NSUN6: variants seen among roughly 807,000 people sequenced by gnomAD.
NSUN6 encodes tRNA (cytosine(72)-C(5))-methyltransferase NSUN6.
In NSUN6, 64 loss-of-function variants were observed where a neutral mutation model predicts 58.0. That is an observed-to-expected ratio of 1.10 (90% CI 0.90 to 1.36). NSUN6 has a LOEUF of 1.36. Among genes scored for constraint, NSUN6 ranks in the 40% most tolerant of loss-of-function variants. The pLI is 0.00. For synonymous variants in NSUN6, 231 were observed against 193.9 expected (o/e 1.19, Z -1.59); for missense variants, 701 against 550.1 (o/e 1.27, Z -2.74).
At chr10:18,570,924 A>C (rs62648447) in intron 8 of NSUN6, among the ~76,000 whole-genome samples, 2 of 148,748 alleles carry the variant, frequency 1.3e-5, no homozygotes, top group African/African-American at 5.0e-5. Flanking sequence ...TCCATTCTAC[A>C]TTCAATTACA....
At chr10:18,582,856 A>T (rs2056966563) in intron 8 of NSUN6, among the ~76,000 whole-genome samples, 1 of 152,200 alleles carries the variant, frequency 6.6e-6, no homozygotes, top group African/African-American at 2.4e-5. Flanking sequence ...ACAGTTTACT[A>T]AAATAGTGGA....
chr10:18,565,822 C>T (rs933887825), intron 8 of NSUN6, among the ~76,000 whole-genome samples: 1 of 147,892 alleles, frequency 6.8e-6, no homozygotes, highest in East Asian at 2.0e-4. Flanking sequence ...CCATTCCATT[C>T]TCCATTCCAT....
intron 8 of NSUN6, among the ~76,000 whole-genome samples, chr10:18,581,760 A>C (rs571878126): frequency 1.3e-5 from 2 of 151,148 alleles, no homozygotes; most frequent in African/African-American, 4.9e-5. Flanking sequence ...CGGGAGGCGG[A>C]GGCTGAAGTG....
At chr10:18,563,491 A>C (rs1247174914) in intron 8 of NSUN6, among the ~76,000 whole-genome samples, 6 of 151,074 alleles carry the variant, frequency 4.0e-5, no homozygotes, top group African/African-American at 9.7e-5. Flanking sequence ...AGAATGGAAT[A>C]GAATGGAGAG....
rs183274536 is a variant in NSUN6, at chr10:18,618,876, T to G, written c.312-2583A>C. On this transcript the variant is annotated intron_variant, in intron 3 of 10. Coordinates refer to ENST00000377304, the MANE Select transcript of NSUN6 (RefSeq NM_182543.5). ...AGTTTTTAATTTTAATGATAATTTATTTTTAGAAATTTGTTTTCAATTCTA... is the reference window on the plus strand; with the variant it reads ...AGTTTTTAATTTTAATGATAATTTAGTTTTAGAAATTTGTTTTCAATTCTA... 4.6e-5 allele frequency among the ~76,000 whole-genome samples: 7 copies of G among 152,278 alleles called. 1 individual carries two copies. In the East Asian group the frequency reaches 1.2e-3, roughly 25 times the overall value.
intron 7 of NSUN6, among the ~76,000 whole-genome samples, chr10:18,591,557 C>G (rs1032832820): frequency 4.6e-5 from 7 of 152,182 alleles, no homozygotes; most frequent in African/African-American, 1.7e-4. Context: ...GGATGCAAGG[C>G]TGATTCAACA....
chr10:18,584,418 C>T (rs1051545718), intron 8 of NSUN6, among the ~76,000 whole-genome samples: 2 of 152,134 alleles, frequency 1.3e-5, no homozygotes, highest in African/African-American at 4.8e-5. Flanking sequence ...TGTACCAGAC[C>T]TTATTCTTGT....
intron 7 of NSUN6, among the ~76,000 whole-genome samples, chr10:18,588,905 G>C (rs2131144454): frequency 6.6e-6 from 1 of 152,248 alleles, no homozygotes; most frequent in Middle Eastern, 3.4e-3. Context: ...CACAAAACTG[G>C]ACAGGGAATG....
intron 8 of NSUN6, among the ~76,000 whole-genome samples, chr10:18,557,863 G>A (rs914437814): frequency 1.3e-5 from 2 of 151,008 alleles, no homozygotes; most frequent in Non-Finnish European, 3.0e-5. Context: ...AATGGAATAT[G>A]GAATGGAGCG....
chr10:18,563,593 C>T (rs1363064264), intron 8 of NSUN6, among the ~76,000 whole-genome samples: 1 of 150,742 alleles, frequency 6.6e-6, no homozygotes, highest in Non-Finnish European at 1.5e-5. Flanking sequence ...ATTCCATTCT[C>T]CATTCCATTC....
At chr10:18,584,825 T>G (rs1196844786) in intron 8 of NSUN6, among the ~76,000 whole-genome samples, 2 of 151,682 alleles carry the variant, frequency 1.3e-5, no homozygotes, top group African/African-American at 4.8e-5. Context: ...TATAAAAGAT[T>G]AGCAGTTGAT....
intron 7 of NSUN6, among the ~76,000 whole-genome samples, chr10:18,593,299 C>T (rs2057449392): frequency 2.0e-5 from 3 of 152,120 alleles, no homozygotes; most frequent in Admixed American, 6.5e-5. Flanking sequence ...GACAGTGTGG[C>T]GATTCCTCAA....
chr10:18,648,672 C>G (rs1741176641), intron 1 of NSUN6, 27 bp from the exon 2 acceptor site: 1 of 1,410,796 alleles, frequency 7.1e-7, no homozygotes, highest in Non-Finnish European at 9.9e-7. Context: ...GTTTAAATTT[C>G]CTGAGAATTA....
chr10:18,565,233 T>C (rs983674069), intron 8 of NSUN6, among the ~76,000 whole-genome samples: 13 of 151,336 alleles, frequency 8.6e-5, no homozygotes, highest in African/African-American at 1.2e-4. Flanking sequence ...TTCCATACCA[T>C]TCTCCATTCC....
At chr10:18,651,638 T>C, upstream of NSUN6, 14 of 986,218 alleles carry the variant, frequency 1.4e-5, no homozygotes, top group Non-Finnish European at 1.7e-5. Flanking sequence ...GCTTCCGGCT[T>C]ACGTCACGTC....
chr10:18,636,037 A>G (rs1439847502), intron 3 of NSUN6, among the ~76,000 whole-genome samples: 1 of 151,580 alleles, frequency 6.6e-6, no homozygotes, highest in East Asian at 2.0e-4. Flanking sequence ...AACATTTGAT[A>G]CCACAGGTTA....
At chr10:18,548,072 AT>A in intron 10 of NSUN6, 39 bp downstream of exon 10, 1 of 1,601,436 alleles carries the variant, frequency 6.2e-7, no homozygotes, top group Non-Finnish European at 8.5e-7. Context: ...AGTTTCTGTG[AT>A]TTATCTTATT....
At chr10:18,573,963 T>C (rs2056523564) in intron 8 of NSUN6, among the ~76,000 whole-genome samples, 1 of 151,992 alleles carries the variant, frequency 6.6e-6, no homozygotes, top group Admixed American at 6.6e-5. Flanking sequence ...CCTAACCATA[T>C]CCTGTGGACT....
intron 1 of NSUN6, among the ~76,000 whole-genome samples, 189 bp downstream of exon 1, chr10:18,650,940 A>C (rs1004052644): frequency 3.6e-4 from 55 of 152,204 alleles, no homozygotes; most frequent in Non-Finnish European, 1.9e-4. Flanking sequence ...TAAAACATAT[A>C]CCTTATTCAC....
Sources: gnomAD v4.1 joint callset for allele counts (sites outside exome capture counted in the v4.1 genomes callset) on GRCh38, gnomAD v4.1.1 for gene constraint, MANE v1.5 for transcripts, NCBI Gene and HGNC (gene_info 2026-07-23, HGNC 2026-07-21) for gene names.